Variants in LSM11 observed in about 807,000 individuals in gnomAD.
The protein encoded by LSM11 is LSM11, U7 small nuclear RNA associated.
Under a neutral mutation model 28.1 loss-of-function variants are expected in LSM11, and 14 were observed. The observed-to-expected ratio is 0.50, with a 90% CI of 0.33 to 0.78. LSM11 has a LOEUF of 0.78. Among genes scored for constraint, LSM11 ranks in the 30% least tolerant of loss-of-function variants. The pLI, the probability that LSM11 is intolerant of heterozygous loss-of-function variation, is 0.02. For synonymous variants in LSM11, 207 were observed against 214.2 expected (o/e 0.97, Z 0.30); for missense variants, 495 against 510.6 (o/e 0.97, Z 0.30).
At chr5:157,749,220 C>G (rs1761189177) in intron 1 of LSM11, among the ~76,000 whole-genome samples, 1 of 152,194 alleles carries the variant, frequency 6.6e-6, no homozygotes, top group Non-Finnish European at 1.5e-5. Flanking sequence ...CTTGCCCTTT[C>G]TATTTTTGGA....
rs761366660 is a variant in LSM11, at chr5:157,756,443, A to G, written c.*1179A>G. 2.0e-5 allele frequency: 3 copies of G among 152,654 alleles called. No homozygotes were observed. The highest frequency in any genetic ancestry group is 4.4e-5 in the Non-Finnish European group (3 of 68,040). The allele number at this position is 152,654 out of a possible 1,614,324, so 9.5% of individuals were successfully genotyped here. A position where few individuals can be genotyped will look rare whatever the true frequency, so the allele number is the denominator to read the frequency against. ...CATTTGACACAGACTGTTAGGCAATATTGATTTTTTTGTTTTGTTTTTATT... is the reference window on the plus strand; with the variant it reads ...CATTTGACACAGACTGTTAGGCAATGTTGATTTTTTTGTTTTGTTTTTATT... On this transcript the variant is annotated 3_prime_UTR_variant, in exon 4 of 4. Coordinates refer to ENST00000286307, the MANE Select transcript of LSM11 (RefSeq NM_173491.4).
At chr5:157,754,818 A>C in intron 3 of LSM11, 36 bp from the exon 4 acceptor site, 1 of 1,569,536 alleles carries the variant, frequency 6.4e-7, no homozygotes, top group Non-Finnish European at 8.7e-7. Context: ...TGAAGGCTAA[A>C]GAGAAGGCTA....
rs1266582074 is a variant in LSM11, at chr5:157,755,334, C to T, written c.*70C>T. ...TTGCTGCTATGCTGTATCCTAGTAT[C>T]CCAGTGAAACTCTGAGTTGGAATGA... On this transcript the variant is annotated 3_prime_UTR_variant, in exon 4 of 4. Transcript: ENST00000286307. 3.4e-6 allele frequency: 5 copies of T among 1,467,596 alleles called. No homozygotes were observed. Among genetic ancestry groups the T allele is most frequent in the Non-Finnish European group, 1.9e-6 (2 of 1,078,046 alleles). The allele number at this position is 1,467,596 out of a possible 1,614,324, so 90.9% of individuals were successfully genotyped here.
intron 1 of LSM11, among the ~76,000 whole-genome samples, chr5:157,748,138 T>C (rs575056996): frequency 1.3e-5 from 2 of 152,186 alleles, no homozygotes; most frequent in Non-Finnish European, 2.9e-5. Context: ...TTCTATAGAA[T>C]GGCAACTAAA....
intron 1 of LSM11, among the ~76,000 whole-genome samples, chr5:157,750,215 C>T (rs1761209979): frequency 6.6e-6 from 1 of 152,112 alleles, no homozygotes. Flanking sequence ...TGTGCCACTG[C>T]ACTCCAGCCT....
At position 157,755,470 on chromosome 5, in the gene LSM11, C is replaced by T; in HGVS notation, c.*206C>T. On this transcript the variant is annotated 3_prime_UTR_variant, in exon 4 of 4. Coordinates refer to ENST00000286307, the MANE Select transcript of LSM11 (RefSeq NM_173491.4). The stretch of plus-strand genomic sequence containing the variant: ...GCAGGCGTTTGCATTAATATCAAGG[C>T]AAAAAGCATTCATAGATACATGCAT... 1 of 589,176 alleles carries T rather than the reference C, an allele frequency of 1.7e-6. No homozygotes were observed. The highest frequency in any genetic ancestry group is 3.0e-6 in the Non-Finnish European group (1 of 336,290). 36.5% of individuals were successfully genotyped at this position (589,176 alleles called of 1,614,324 possible).
At chr5:157,753,216 C>A (rs1239378169) in intron 2 of LSM11, among the ~76,000 whole-genome samples, 1 of 152,236 alleles carries the variant, frequency 6.6e-6, no homozygotes, top group African/African-American at 2.4e-5. Flanking sequence ...TGAATCCTAG[C>A]ATCATCACTT....
At position 157,751,428 on chromosome 5, in the gene LSM11, A is replaced by G; in HGVS notation, c.487A>G (p.Ile163Val). 3 of 1,611,428 alleles carry G rather than the reference A, an allele frequency of 1.9e-6. No individual in the cohort carries two copies. The highest frequency in any genetic ancestry group is 1.7e-5 in the Admixed American group (1 of 59,354). The change falls in exon 2 of 4, where the codon ATC becomes GTC. Residue 163 changes from isoleucine to valine, a missense_variant. Physicochemically the swap from Ile to Val is conservative, Grantham distance 29. Coordinates refer to ENST00000286307, the MANE Select transcript of LSM11 (RefSeq NM_173491.4). ...CCCTCTGGGTGAACTCCATCGCTGT[A>G]TCCGTGAGGGGGTGAAGGTGAATGT... ...GSPLGELHRCIREGVKVNVHI... is the reference protein window; with the variant it reads ...GSPLGELHRCVREGVKVNVHI...
rs997630702 is a variant in LSM11, at chr5:157,743,737, C to T, written c.-14C>T. The T allele has an allele frequency of 8.2e-6, 11 of 1,345,920 alleles. No homozygotes were observed. The highest frequency in any genetic ancestry group is 1.0e-5 in the Non-Finnish European group (11 of 1,048,750). The allele number at this position is 1,345,920 out of a possible 1,614,324, so 83.4% of individuals were successfully genotyped here. ...CCTTCTTCCCATCGGCCTCGGCTTGCGGGCCTTTCAAACATGGAGGAGCGG... is the reference window on the plus strand; with the variant it reads ...CCTTCTTCCCATCGGCCTCGGCTTGTGGGCCTTTCAAACATGGAGGAGCGG... On this transcript the variant is annotated 5_prime_UTR_variant, in exon 1 of 4. Coordinates refer to ENST00000286307, the MANE Select transcript of LSM11 (RefSeq NM_173491.4).
rs1013834810 is a variant in LSM11 at position 157,755,964 on chromosome 5, A to G, written c.*700A>G. Reference sequence around the variant, plus strand: ...GTAGCCTCTGCAAATGGCATACCAGATGGGACTCTAAGATGCTTGTGTGGT... The same window carrying G: ...GTAGCCTCTGCAAATGGCATACCAGGTGGGACTCTAAGATGCTTGTGTGGT... On this transcript the variant is annotated 3_prime_UTR_variant, in exon 4 of 4. Coordinates refer to ENST00000286307, the MANE Select transcript of LSM11 (RefSeq NM_173491.4). 6 of 345,570 alleles carry G rather than the reference A, an allele frequency of 1.7e-5. No homozygotes were observed. Among genetic ancestry groups the G allele is most frequent in the Admixed American group, 1.4e-4 (3 of 20,928 alleles). 21.4% of individuals were successfully genotyped at this position (345,570 alleles called of 1,614,324 possible). A position where few individuals can be genotyped will look rare whatever the true frequency, so the allele number is the denominator to read the frequency against.
Position 157,751,462 on chromosome 5 carries a change from G to A in LSM11, c.521G>A (p.Arg174His), listed in dbSNP as rs538362870. The A allele has an allele frequency of 3.1e-6, 5 of 1,612,718 alleles. No homozygotes were observed. The highest frequency in any genetic ancestry group is 2.7e-5 in the African/African-American group (2 of 74,946). The change falls in exon 2 of 4, where the codon CGC (arginine) becomes CAC (histidine). Residue 174 changes from arginine (R) to histidine (H), a missense_variant. Arg to His is a conservative substitution (Grantham distance 29). Coordinates refer to ENST00000286307, the MANE Select transcript of LSM11 (RefSeq NM_173491.4). ...GGGGTGAAGGTGAATGTTCACATCC[G>A]CACTTTCAAGGGACTTCGGGGCGTC... is the stretch of plus-strand genomic sequence containing the variant. ...REGVKVNVHI[R>H]TFKGLRGVCT...
At position 157,755,623 on chromosome 5, in the gene LSM11, G is replaced by C. The variant is rs976275027; in HGVS notation, c.*359G>C. On this transcript the variant is annotated 3_prime_UTR_variant, in exon 4 of 4. Transcript: ENST00000286307. ...ATAGGGGAAAGAAAAGTCTCAAAAA[G>C]AAGTATTGCATGTCTAAAAGCTAGT... The C allele has an allele frequency of 6.1e-5, 26 of 429,740 alleles. No homozygotes were observed. The highest frequency in any genetic ancestry group is 1.0e-4 in the Non-Finnish European group (25 of 244,624). 26.6% of individuals were successfully genotyped at this position (429,740 alleles called of 1,614,324 possible).
chr5:157,754,802 G>C, intron 3 of LSM11, 52 bp from the exon 4 acceptor site: 9 of 1,498,930 alleles, frequency 6.0e-6, no homozygotes, highest in Middle Eastern at 2.2e-4. Flanking sequence ...TGTTGAAAGA[G>C]GGTGATGAAG....
rs150521472 is a variant in LSM11 at position 157,754,894 on chromosome 5, A to T, written c.713A>T (p.Glu238Val). The T allele has an allele frequency of 1.9e-4, 306 of 1,614,068 alleles. 1 individual carries two copies. The African/African-American group carries it at 3.3e-3, about 17-fold the overall frequency. Residue 238 changes from glutamate to valine, a missense_variant, in exon 4 of 4, where the codon GAA becomes GTA. Glu to Val is a moderately radical substitution (Grantham distance 121, BLOSUM62 -2). Coordinates refer to ENST00000286307, the MANE Select transcript of LSM11 (RefSeq NM_173491.4). Reference sequence around the variant, plus strand: ...AAACTTCAAGATTCCTCCAAGAAGGAAGCAGATTCTAAGTCTGCAGTTGAA... The same window carrying T: ...AAACTTCAAGATTCCTCCAAGAAGGTAGCAGATTCTAAGTCTGCAGTTGAA... The part of the protein sequence containing the change: ...RLKLQDSSKK[E>V]ADSKSAVEDS...
At chr5:157,753,527 T>G (rs1761274854) in intron 2 of LSM11, among the ~76,000 whole-genome samples, 3 of 152,202 alleles carry the variant, frequency 2.0e-5, no homozygotes, top group South Asian at 4.1e-4. Flanking sequence ...CTCTGTTAAT[T>G]GCTTTCATAA....
chr5:157,754,134 G>A, intron 3 of LSM11, 47 bp downstream of exon 3: 1 of 1,325,494 alleles, frequency 7.5e-7, no homozygotes, highest in Non-Finnish European at 1.0e-6. Flanking sequence ...ATGCTTTCCA[G>A]CTTAGGAATT....
At chr5:157,746,916 AG>A (rs2113068636) in intron 1 of LSM11, among the ~76,000 whole-genome samples, 1 of 152,312 alleles carries the variant, frequency 6.6e-6, no homozygotes, top group African/African-American at 2.4e-5. Context: ...CTCAAAAAAA[AG>A]TAATAATAAA....
chr5:157,750,496 T>G (rs532158956), intron 1 of LSM11, among the ~76,000 whole-genome samples: 1 of 152,294 alleles, frequency 6.6e-6, no homozygotes, highest in African/African-American at 2.4e-5. Flanking sequence ...CAGGTGCCTT[T>G]TACACTGTCA....
Position 157,751,436 on chromosome 5 carries a change from G to A in LSM11, c.495G>A (p.Glu165=), listed in dbSNP as rs1761229693. ...PLGELHRCIR[E]GVKVNVHIRT... Reference sequence around the variant, plus strand: ...GTGAACTCCATCGCTGTATCCGTGAGGGGGTGAAGGTGAATGTTCACATCC... The same window carrying A: ...GTGAACTCCATCGCTGTATCCGTGAAGGGGTGAAGGTGAATGTTCACATCC... Residue 165 remains glutamate (E), a synonymous_variant, in exon 2 of 4, where the codon GAG becomes GAA. Coordinates refer to ENST00000286307, the MANE Select transcript of LSM11 (RefSeq NM_173491.4). 2 of 1,611,842 alleles carry A rather than the reference G, an allele frequency of 1.2e-6. No individual in the cohort carries two copies. The highest frequency in any genetic ancestry group is 1.1e-5 in the South Asian group (1 of 90,666).
Sources: allele counts gnomAD v4.1 joint callset (sites outside exome capture counted in the v4.1 genomes callset), GRCh38; gene constraint gnomAD v4.1.1; transcripts MANE v1.5; gene names NCBI Gene and HGNC (gene_info 2026-07-23, HGNC 2026-07-21).